Variants in KSR1 observed in about 807,000 individuals in gnomAD.
KSR1 encodes the protein kinase suppressor of ras 1, also known as kinase suppressor of ras.
KSR1 carries 35 observed loss-of-function variants against 92.9 expected under a neutral mutation model. The ratio of observed to expected loss-of-function variants is 0.38; its 90% CI spans 0.29 to 0.50. The LOEUF (loss-of-function observed/expected upper bound fraction) is 0.50. Ranked by LOEUF, KSR1 falls within the 20% of genes least tolerant of loss-of-function variation. KSR1 has a pLI of 0.94. For synonymous variants in KSR1, 467 were observed against 472.6 expected (o/e 0.99, Z 0.15); for missense variants, 972 against 1,158.5 (o/e 0.84, Z 2.34).
chr17:27,526,295 T>A, intron 1 of KSR1: 1 of 873,960 alleles, frequency 1.1e-6, no homozygotes, highest in Non-Finnish European at 1.7e-6. Context: ...TTTTCCTAGT[T>A]GTCGCTCTGT....
At chr17:27,482,843 C>T (rs1272077747) in intron 1 of KSR1, among the ~76,000 whole-genome samples, 1 of 152,024 alleles carries the variant, frequency 6.6e-6, no homozygotes, top group Non-Finnish European at 1.5e-5. Context: ...GGTTTGTCCA[C>T]CATCAGTGGA....
chr17:27,496,540 A>G (rs2068991992), intron 1 of KSR1, among the ~76,000 whole-genome samples: 1 of 152,116 alleles, frequency 6.6e-6, no homozygotes, highest in Admixed American at 6.5e-5. Flanking sequence ...TTCCAACAGA[A>G]GGGAGGCCCC....
intron 2 of KSR1, among the ~76,000 whole-genome samples, chr17:27,575,312 C>T (rs1479092140): frequency 3.3e-5 from 5 of 152,170 alleles, no homozygotes; most frequent in African/African-American, 1.2e-4. Flanking sequence ...ATTCCTGGAA[C>T]TGAGGGCCCC....
At position 27,575,841 on chromosome 17, in the gene KSR1, G is replaced by A. The variant is rs188707529; in HGVS notation, c.373-1651G>A. ...AATTTAGCAGCTTAACACACCACCCGCTTATCATCTCATGGTTCTCTAGGT... is the reference window on the plus strand; with the variant it reads ...AATTTAGCAGCTTAACACACCACCCACTTATCATCTCATGGTTCTCTAGGT... On this transcript the variant is annotated intron_variant, in intron 2 of 20. Transcript: ENST00000644974. 2.7e-3 allele frequency among the ~76,000 whole-genome samples: 414 copies of A among 152,256 alleles called. 3 individuals carry two copies. The highest frequency in any genetic ancestry group is 4.3e-3 in the Non-Finnish European group (291 of 68,022).
chr17:27,620,932 C>G (rs1013622851), intron 19 of KSR1: 7 of 338,602 alleles, frequency 2.1e-5, no homozygotes, highest in Non-Finnish European at 3.2e-5. Flanking sequence ...GCTTTCCTTT[C>G]CTGAATGAGT....
At position 27,528,454 on chromosome 17, in the gene KSR1, C is replaced by T. The variant is rs181234843; in HGVS notation, c.232-22114C>T. Among the ~76,000 whole-genome samples the T allele has an allele frequency of 2.4e-4, 36 of 152,052 alleles. No homozygotes were observed. In the East Asian group the frequency reaches 6.4e-3, roughly 27 times the overall value. ...ATCAGTAATTTGTTAAAGGTCACAC[C>T]GCTAGAAAAGAGTGGATCCAGTATG... is the stretch of plus-strand genomic sequence containing the variant. On this transcript the variant is annotated intron_variant, in intron 1 of 20. Transcript: ENST00000644974.
In KSR1 at chr17:27,603,869, G is replaced by A; in HGVS notation, c.1546G>A (p.Glu516Lys). ...CTTTGCACACGCAGCCCCGCTCCCT[G>A]AAGCTGCCGACGGTACCCGGTAGGC... Reference protein sequence around the residue: ...SAFAHAAPLPEAADGTRLDDQ... With the variant: ...SAFAHAAPLPKAADGTRLDDQ... The change falls in exon 12 of 21, where the codon GAA becomes AAA. Residue 516 changes from glutamate (E) to lysine (K), a missense_variant. This residue lies in a region of KSR1 where 611 missense variants were observed against 668.0 expected (regional missense o/e 0.91). Coordinates refer to ENST00000644974, the MANE Select transcript of KSR1 (RefSeq NM_001394583.1). 1 of 1,613,960 alleles carries A rather than the reference G, an allele frequency of 6.2e-7. No individual in the cohort carries two copies. The highest frequency in any genetic ancestry group is 8.5e-7 in the Non-Finnish European group (1 of 1,179,874).
At chr17:27,487,575 C>A (rs1567755319) in intron 1 of KSR1, among the ~76,000 whole-genome samples, 2 of 141,446 alleles carry the variant, frequency 1.4e-5, no homozygotes, top group African/African-American at 5.1e-5. Flanking sequence ...GTGGTGAAAC[C>A]CCATCTCTTT....
chr17:27,528,536 C>A (rs1360107217), intron 1 of KSR1, among the ~76,000 whole-genome samples: 1 of 152,152 alleles, frequency 6.6e-6, no homozygotes, highest in African/African-American at 2.4e-5. Context: ...CAGGAGAGAC[C>A]TGTACTTCTT....
rs767468374 is a variant in KSR1 at position 27,585,615 on chromosome 17, C to T, written c.981-42C>T. 2.0e-5 allele frequency: 15 copies of T among 749,668 alleles called. No individual in the cohort carries two copies. In the South Asian group the frequency reaches 2.0e-4, roughly 10 times the overall value. The allele number at this position is 749,668 out of a possible 1,614,324, so 46.4% of individuals were successfully genotyped here. On this transcript the variant is annotated intron_variant, in intron 4 of 20. Coordinates refer to ENST00000644974, the MANE Select transcript of KSR1 (RefSeq NM_001394583.1). Reference sequence around the variant, plus strand: ...GTGTTCTAGGAACACGCCGAGCCAGCGTGGTGACGTAATCCCCCTCTCTGC... The same window carrying T: ...GTGTTCTAGGAACACGCCGAGCCAGTGTGGTGACGTAATCCCCCTCTCTGC...
chr17:27,509,739 C>T (rs1212868486), intron 1 of KSR1, among the ~76,000 whole-genome samples: 1 of 152,174 alleles, frequency 6.6e-6, no homozygotes, highest in Non-Finnish European at 1.5e-5. Flanking sequence ...ACTTAGGAGG[C>T]TGAGGTTGGA....
At chr17:27,468,016 A>G (rs2019787458) in intron 1 of KSR1, among the ~76,000 whole-genome samples, 1 of 151,184 alleles carries the variant, frequency 6.6e-6, no homozygotes, top group African/African-American at 2.4e-5. Context: ...ACGGGGTTTC[A>G]CCGTGTTAGC....
At chr17:27,570,843 T>C (rs2072277492) in intron 2 of KSR1, among the ~76,000 whole-genome samples, 1 of 152,148 alleles carries the variant, frequency 6.6e-6, no homozygotes, top group Non-Finnish European at 1.5e-5. Flanking sequence ...GCCCTCATGG[T>C]CCGCACCTCC....
chr17:27,526,466 A>G, intron 1 of KSR1: 4 of 1,589,372 alleles, frequency 2.5e-6, no homozygotes, highest in Non-Finnish European at 3.4e-6. Context: ...TTTTCCCAAT[A>G]CATCTTCTCT....
intron 2 of KSR1, among the ~76,000 whole-genome samples, chr17:27,553,540 G>C (rs1051587517): frequency 6.6e-6 from 1 of 152,232 alleles, no homozygotes; most frequent in African/African-American, 2.4e-5. Flanking sequence ...AGTGAGGCTG[G>C]AGTGGATGGG....
chr17:27,603,350 C>T (rs1412302521), intron 11 of KSR1, among the ~76,000 whole-genome samples: 1 of 152,268 alleles, frequency 6.6e-6, no homozygotes, highest in Non-Finnish European at 1.5e-5. Context: ...CCAGGTGTCG[C>T]TAATGAGCCA....
At position 27,607,928 on chromosome 17, in the gene KSR1, G is replaced by T. The variant is rs995938003; in HGVS notation, c.2009G>T (p.Arg670Leu). The change falls in exon 15 of 21, where the codon CGG becomes CTG. Residue 670 changes from arginine to leucine, a missense_variant. Physicochemically the swap from Arg to Leu is moderately radical, Grantham distance 102. Transcript: ENST00000644974. ...LAIITSFCKG[R>L]TLHSFVRDPK... ...ACCCTCGACAGCTTCTGCAAGGGGC[G>T]GACGTTGCACTCGTTTGTGAGGGAC... 1 of 1,608,000 alleles carries T rather than the reference G, an allele frequency of 6.2e-7. No individual in the cohort carries two copies. Among genetic ancestry groups the T allele is most frequent in the Non-Finnish European group, 8.5e-7 (1 of 1,177,332 alleles).
chr17:27,483,027 C>T (rs983292014), intron 1 of KSR1, among the ~76,000 whole-genome samples: 1 of 152,190 alleles, frequency 6.6e-6, no homozygotes, highest in African/African-American at 2.4e-5. Context: ...TGCCCACTGC[C>T]AAGTTTTAAC....
chr17:27,485,428 C>T (rs569167590), intron 1 of KSR1, among the ~76,000 whole-genome samples: 1 of 152,272 alleles, frequency 6.6e-6, no homozygotes, highest in African/African-American at 2.4e-5. Flanking sequence ...AGTCTGGGAG[C>T]AGGAAGTAAC....
Sources: gnomAD v4.1 joint callset for allele counts (sites outside exome capture counted in the v4.1 genomes callset) on GRCh38, gnomAD v4.1.1 for gene constraint, gnomAD v4.1.1 regional missense constraint, MANE v1.5 for transcripts, NCBI Gene and HGNC (gene_info 2026-07-23, HGNC 2026-07-21) for gene names.